The following EVL variants were observed in gnomAD, a reference collection of about 807,000 sequenced individuals.
EVL encodes Enah/Vasp-like, also known as ena/VASP-like protein.
EVL carries 21 observed loss-of-function variants against 59.6 expected under a neutral mutation model. The observed-to-expected ratio is 0.35, with a 90% CI of 0.25 to 0.51. The LOEUF (loss-of-function observed/expected upper bound fraction) is 0.51. EVL is among the 20% of genes least tolerant of loss of function. The probability of loss-of-function intolerance (pLI) is 0.97; values close to 1 mark genes in which losing one functional copy is unlikely to be tolerated. For missense variants in EVL, 462 were observed against 546.6 expected, an observed-to-expected ratio of 0.85 and a Z score of 1.54; for synonymous variants, 198 against 203.5, an observed-to-expected ratio of 0.97 and a Z score of 0.23.
chr14:100,071,126 G>A (rs58340868), intron 1 of EVL, among the ~76,000 whole-genome samples: 105 of 152,248 alleles, frequency 6.9e-4, no homozygotes, highest in African/African-American at 2.3e-3. Context: ...AGGAGAAAAG[G>A]CAAACGTCTT....
At chr14:99,993,048 C>T (rs576874059) in intron 1 of EVL, among the ~76,000 whole-genome samples, 90 of 147,956 alleles carry the variant, frequency 6.1e-4, no homozygotes, top group Non-Finnish European at 1.1e-3. Context: ...TTGGTGGTGG[C>T]GTATAATCCT....
chr14:100,085,416 G>T (rs2062418016), intron 2 of EVL, among the ~76,000 whole-genome samples: 1 of 152,136 alleles, frequency 6.6e-6, no homozygotes. Context: ...GTAATTAATG[G>T]CAAAATAGTC....
chr14:99,985,017 G>T (rs2060831197), intron 1 of EVL, among the ~76,000 whole-genome samples: 3 of 152,068 alleles, frequency 2.0e-5, no homozygotes. Context: ...ATTTAGTTTA[G>T]TTTGTATATA....
At chr14:100,019,678 A>T (rs978553339) in intron 1 of EVL, 1 of 1,533,796 alleles carries the variant, frequency 6.5e-7, no homozygotes, top group East Asian at 2.5e-5. Flanking sequence ...TTTGCATTTG[A>T]AGAATTCAGG....
At chr14:100,076,796 G>A (rs1307158062) in intron 1 of EVL, among the ~76,000 whole-genome samples, 2 of 152,090 alleles carry the variant, frequency 1.3e-5, no homozygotes, top group African/African-American at 2.4e-5. Context: ...GGGTTGGGTC[G>A]GCTGTGGACA....
intron 1 of EVL, among the ~76,000 whole-genome samples, chr14:100,065,956 CT>C (rs777600760): frequency 1.4e-4 from 21 of 152,134 alleles, no homozygotes; most frequent in Non-Finnish European, 8.8e-5. Flanking sequence ...ACTTCATGAA[CT>C]TAATAGCAAG....
At chr14:100,006,022 C>A (rs868667578) in intron 1 of EVL, among the ~76,000 whole-genome samples, 258 of 148,844 alleles carry the variant, frequency 1.7e-3, no homozygotes, top group East Asian at 8.8e-3. Context: ...CCCCCCCCCC[C>A]CACACCGACA....
chr14:100,017,528 C>G (rs2061060505), intron 1 of EVL, among the ~76,000 whole-genome samples: 1 of 152,202 alleles, frequency 6.6e-6, no homozygotes, highest in African/African-American at 2.4e-5. Flanking sequence ...TTATTGGTTT[C>G]TTACAACACT....
intron 4 of EVL, among the ~76,000 whole-genome samples, chr14:100,126,080 A>G (rs1156415157): frequency 6.6e-6 from 1 of 152,106 alleles, no homozygotes; most frequent in Non-Finnish European, 1.5e-5. Context: ...TGGATTCTGG[A>G]GATGTATCTG....
rs1261406300 is a variant in EVL at position 99,972,282 on chromosome 14, TG to T, written c.5+231del. Among the ~76,000 whole-genome samples, 1 of 148,778 alleles carries T rather than the reference TG, an allele frequency of 6.7e-6. No individual in the cohort carries two copies. Among genetic ancestry groups the T allele is most frequent in the African/African-American group, 2.5e-5 (1 of 40,196 alleles). The stretch of plus-strand genomic sequence containing the variant: ...GAGCCGGGAGGGTCTGCAGGGCTTG[TG>T]GGGGGCAGTGTTCTGCAAGGGGCAG... On this transcript the variant is annotated intron_variant, in intron 1 of 13. Transcript: ENST00000402714. The surrounding 1 kb of genome is among the most constrained non-coding windows in gnomAD (Gnocchi z 4.4).
At chr14:99,989,627 A>G (rs2140176924) in intron 1 of EVL, among the ~76,000 whole-genome samples, 1 of 152,310 alleles carries the variant, frequency 6.6e-6, no homozygotes, top group South Asian at 2.1e-4. Context: ...CCTTGTATAT[A>G]ATATTCGTCC....
chr14:100,097,313 T>C (rs878894951), intron 2 of EVL, among the ~76,000 whole-genome samples, 168 bp from the exon 3 acceptor site: 4 of 152,116 alleles, frequency 2.6e-5, no homozygotes, highest in African/African-American at 9.7e-5. Context: ...CTCACTGTTC[T>C]ATAGATTATG....
At chr14:100,089,984 C>T (rs1042975753) in intron 2 of EVL, among the ~76,000 whole-genome samples, 1 of 151,496 alleles carries the variant, frequency 6.6e-6, no homozygotes, top group Admixed American at 6.6e-5. Context: ...GCTATAAATG[C>T]ATATATTAGA....
intron 4 of EVL, among the ~76,000 whole-genome samples, chr14:100,126,430 C>T (rs1366234688): frequency 2.6e-5 from 4 of 152,206 alleles, no homozygotes; most frequent in Non-Finnish European, 5.9e-5. Flanking sequence ...AGAGCTTGGT[C>T]ACTCTGGGGA....
At chr14:100,119,538 G>A (rs577732906) in intron 3 of EVL, among the ~76,000 whole-genome samples, 3 of 152,332 alleles carry the variant, frequency 2.0e-5, no homozygotes, top group East Asian at 3.9e-4. Context: ...GCGCTCCACC[G>A]AGGGGACCAC....
chr14:100,050,911 T>TAA (rs756789265), intron 1 of EVL, among the ~76,000 whole-genome samples: 3 of 136,198 alleles, frequency 2.2e-5, no homozygotes, highest in Admixed American at 7.4e-5. Context: ...CCCAGCTAAT[T>TAA]AAAAAAAAAA....
At chr14:100,051,105 A>G (rs2061640950) in intron 1 of EVL, among the ~76,000 whole-genome samples, 1 of 152,146 alleles carries the variant, frequency 6.6e-6, no homozygotes, top group South Asian at 2.1e-4. Context: ...TTTGCTTTTC[A>G]CTGTTTCAGT....
At chr14:100,081,441 T>C (rs1338728260) in intron 1 of EVL, among the ~76,000 whole-genome samples, 2 of 150,932 alleles carry the variant, frequency 1.3e-5, no homozygotes, top group African/African-American at 2.5e-5. Context: ...CCAATACTAT[T>C]CAAAGGGTGG....
At chr14:100,063,593 T>C (rs2061874758), upstream of EVL, among the ~76,000 whole-genome samples, 1 of 152,228 alleles carries the variant, frequency 6.6e-6, no homozygotes, top group African/African-American at 2.4e-5. Context: ...ACAGTCACAG[T>C]TGAAGATTTC....
Sources: allele counts gnomAD v4.1 joint callset (sites outside exome capture counted in the v4.1 genomes callset), GRCh38; gene constraint gnomAD v4.1.1; non-coding constraint Gnocchi (gnomAD v3.1); transcripts MANE v1.5; gene names NCBI Gene and HGNC (gene_info 2026-07-23, HGNC 2026-07-21).